Variants in SI observed in about 807,000 individuals in gnomAD.
SI encodes sucrase-isomaltase.
In SI, 235 loss-of-function variants were observed where a neutral mutation model predicts 253.3. That is an observed-to-expected ratio of 0.93 (90% CI 0.83 to 1.03). The LOEUF is 1.03. SI is among the 50% of genes least tolerant of loss of function. The pLI, the probability that SI is intolerant of heterozygous loss-of-function variation, is 0.00. For synonymous variants in SI, 819 were observed against 712.0 expected, an observed-to-expected ratio of 1.15 and a Z score of -2.39; for missense variants, 2,442 against 2,211.1, an observed-to-expected ratio of 1.10 and a Z score of -2.09.
intron 26 of SI, among the ~76,000 whole-genome samples, chr3:165,023,349 A>T (rs1261551554): frequency 1.3e-5 from 2 of 151,578 alleles, no homozygotes; most frequent in Non-Finnish European, 3.0e-5. Context: ...ATTTATTTTT[A>T]AAATCATCAT....
intron 47 of SI, among the ~76,000 whole-genome samples, chr3:164,981,349 A>C (rs1252417671): frequency 6.6e-6 from 1 of 152,034 alleles, no homozygotes; most frequent in African/African-American, 2.4e-5. Flanking sequence ...ACAGACTTTC[A>C]GGTGCTGTTT....
At chr3:165,037,190 C>T (rs1224744354) in intron 21 of SI, among the ~76,000 whole-genome samples, 2 of 151,752 alleles carry the variant, frequency 1.3e-5, no homozygotes, top group African/African-American at 4.8e-5. Flanking sequence ...GTATCGCTAA[C>T]ATACTACATA....
the SI span, among the ~76,000 whole-genome samples, chr3:165,087,063 C>T: frequency 2.0e-5 from 3 of 152,098 alleles, no homozygotes; most frequent in Admixed American, 1.3e-4. Flanking sequence ...GAAAAGGTAA[C>T]AAATCTGGTG....
At chr3:165,005,345 A>G (rs965810231) in intron 37 of SI, among the ~76,000 whole-genome samples, 6 of 152,116 alleles carry the variant, frequency 3.9e-5, no homozygotes, top group African/African-American at 2.4e-5. Context: ...AAAAACCCTA[A>G]AAGTGTAATT....
At chr3:165,061,070 C>G (rs780782673) in intron 9 of SI, among the ~76,000 whole-genome samples, 3 of 151,510 alleles carry the variant, frequency 2.0e-5, no homozygotes, top group Non-Finnish European at 4.4e-5. Context: ...AAACTATACT[C>G]CTAAACACCA....
intron 33 of SI, among the ~76,000 whole-genome samples, chr3:165,013,319 G>T (rs1233541932): frequency 6.6e-6 from 1 of 151,854 alleles, no homozygotes; most frequent in Non-Finnish European, 1.5e-5. Flanking sequence ...TAACCAAAAG[G>T]TTCTGGTCAA....
intron 9 of SI, among the ~76,000 whole-genome samples, chr3:165,061,215 C>T (rs1467190084): frequency 1.3e-5 from 2 of 151,712 alleles, no homozygotes; most frequent in Admixed American, 1.3e-4. Context: ...TAACAATATT[C>T]TTTTTGAAAT....
chr3:165,018,608 G>A (rs1390630253), intron 28 of SI, among the ~76,000 whole-genome samples: 8 of 150,396 alleles, frequency 5.3e-5, no homozygotes, highest in African/African-American at 1.9e-4. Context: ...TGTAATCATA[G>A]TCAGATTTTA....
At chr3:165,015,703 A>G (rs1364701718) in intron 32 of SI, among the ~76,000 whole-genome samples, 4 of 152,230 alleles carry the variant, frequency 2.6e-5, no homozygotes, top group South Asian at 2.1e-4. Flanking sequence ...AGCTTGGATG[A>G]TAACTAGAAA....
chr3:165,023,599 A>G lies in SI; in HGVS notation c.3070T>C (p.Tyr1024His). The change falls in exon 26 of 48, where the codon TAT becomes CAT. Residue 1024 changes from tyrosine (Y) to histidine (H), a missense_variant. Coordinates refer to ENST00000264382, the MANE Select transcript of SI (RefSeq NM_001041.4). ...AACTGCAACATATCATTTTTGTGAT[A>G]TTTCACCTCCACACGAAGAGTTGAG... Reference protein sequence around the residue: ...PISTLRVEVKYHKNDMLQFKI... With the variant: ...PISTLRVEVKHHKNDMLQFKI... 1 of 1,610,620 alleles carries G rather than the reference A, an allele frequency of 6.2e-7. No individual in the cohort carries two copies. Among genetic ancestry groups the G allele is most frequent in the South Asian group, 1.1e-5 (1 of 91,042 alleles).
At chr3:165,064,961 T>C (rs1454110922) in intron 7 of SI, among the ~76,000 whole-genome samples, 1 of 152,068 alleles carries the variant, frequency 6.6e-6, no homozygotes, top group Non-Finnish European at 1.5e-5. Flanking sequence ...TAGCTAGCTA[T>C]TGATGGATAT....
chr3:165,060,387 C>G (rs1713927654), intron 9 of SI, among the ~76,000 whole-genome samples: 3 of 151,890 alleles, frequency 2.0e-5, no homozygotes, highest in Admixed American at 1.3e-4. Flanking sequence ...AATTTTCCAC[C>G]ACACTCCTAT....
rs780664460 is a variant in SI at position 165,041,019 on chromosome 3, T to A, written c.2080A>T (p.Thr694Ser). 11 of 1,612,448 alleles carry A rather than the reference T, an allele frequency of 6.8e-6. No individual in the cohort carries two copies. Among genetic ancestry groups the A allele is most frequent in the Admixed American group, 1.7e-5 (1 of 59,904 alleles). The change falls in exon 18 of 48, where the codon ACC becomes TCC. Residue 694 changes from threonine to serine, a missense_variant. Coordinates refer to ENST00000264382, the MANE Select transcript of SI (RefSeq NM_001041.4). ...SSRQYLTIRY[T>S]LLPFLYTLFY... ...AGAGTGTAGAGGAAGGGTAATAAGG[T>A]GTAGCGAATAGTTAAATACTGCCTT...
At chr3:165,068,379 C>T (rs1658969864) in intron 5 of SI, among the ~76,000 whole-genome samples, 2 of 152,006 alleles carry the variant, frequency 1.3e-5, no homozygotes, top group Admixed American at 6.6e-5. Flanking sequence ...AATTCTTTGC[C>T]TTGGAATAAA....
At chr3:165,006,978 A>G (rs1183545851) in intron 36 of SI, 24 bp from the exon 37 acceptor site, 3 of 1,511,654 alleles carry the variant, frequency 2.0e-6, no homozygotes, top group Non-Finnish European at 2.7e-6. Context: ...ATGAAAAAAT[A>G]TTAATATATT....
intron 3 of SI, among the ~76,000 whole-genome samples, chr3:165,074,010 GA>G (rs1347272832): frequency 1.3e-5 from 2 of 151,854 alleles, no homozygotes; most frequent in South Asian, 2.1e-4. Flanking sequence ...GGTTTGTGGG[GA>G]AAAAAAGGAA....
intron 9 of SI, among the ~76,000 whole-genome samples, chr3:165,062,166 G>C (rs1714014983): frequency 6.6e-6 from 1 of 151,076 alleles, no homozygotes; most frequent in East Asian, 1.9e-4. Flanking sequence ...TTTGAATTCA[G>C]AAACATAGAT....
chr3:165,070,916 T>A (rs1368324693), intron 3 of SI, among the ~76,000 whole-genome samples: 9 of 152,058 alleles, frequency 5.9e-5, no homozygotes, highest in African/African-American at 2.2e-4. Flanking sequence ...TAATTCTCCC[T>A]TGTCTCTCTC....
chr3:165,012,426 GTTGTT>G (rs1008144085), intron 34 of SI, among the ~76,000 whole-genome samples: 12 of 151,912 alleles, frequency 7.9e-5, no homozygotes, highest in African/African-American at 2.9e-4. Flanking sequence ...TTTTGTCGTT[GTTGTT>G]TTGTTTTGTT....
Sources: allele counts gnomAD v4.1 joint callset (sites outside exome capture counted in the v4.1 genomes callset), GRCh38; gene constraint gnomAD v4.1.1; transcripts MANE v1.5; gene names NCBI Gene and HGNC (gene_info 2026-07-23, HGNC 2026-07-21).